MYCBP2: variants seen among roughly 807,000 people sequenced by gnomAD.
MYCBP2 encodes the protein E3 ubiquitin-protein ligase MYCBP2.
A neutral mutation model predicts 525.3 loss-of-function variants in MYCBP2; 120 were observed. That is an observed-to-expected ratio of 0.23 (90% confidence interval 0.20 to 0.27). MYCBP2 has a LOEUF of 0.27. MYCBP2 is among the 10% of genes least tolerant of loss of function. The probability of loss-of-function intolerance (pLI) is 1.00; values close to 1 mark genes in which losing one functional copy is unlikely to be tolerated. For synonymous variants in MYCBP2, 1,894 were observed against 1,955.8 expected (o/e 0.97, Z 0.83); for missense variants, 4,149 against 5,657.1 (o/e 0.73, Z 8.55).
intron 15 of MYCBP2, among the ~76,000 whole-genome samples, chr13:77,244,747 A>T (rs578189937): frequency 5.9e-5 from 9 of 152,316 alleles, no homozygotes; most frequent in African/African-American, 1.9e-4. Flanking sequence ...AATGGGAGAA[A>T]ATTTTTGCAA....
intron 1 of MYCBP2, among the ~76,000 whole-genome samples, chr13:77,317,113 CT>C (rs2081041960): frequency 1.3e-5 from 2 of 152,128 alleles, no homozygotes; most frequent in Admixed American, 1.3e-4. Context: ...ACATGCCCGG[CT>C]AATTGTTTTG....
At chr13:77,295,317 A>G (rs1204460629) in intron 2 of MYCBP2, among the ~76,000 whole-genome samples, 1 of 152,048 alleles carries the variant, frequency 6.6e-6, no homozygotes, top group Non-Finnish European at 1.5e-5. Flanking sequence ...TATTTTTCGT[A>G]GAGACAGGGT....
chr13:77,231,787 T>G (rs901171430), intron 18 of MYCBP2, among the ~76,000 whole-genome samples: 4 of 152,158 alleles, frequency 2.6e-5, no homozygotes, highest in African/African-American at 7.2e-5. Context: ...AGAAAGAAAC[T>G]GAAAAAATCT....
chr13:77,151,677 C>T lies in MYCBP2; in HGVS notation c.6916-728G>A, dbSNP rs1196689628. Among the ~76,000 whole-genome samples, 9 of 152,154 alleles carry T rather than the reference C, an allele frequency of 5.9e-5. No individual in the cohort carries two copies. The East Asian group carries it at 1.7e-3, about 29-fold the overall frequency. The stretch of plus-strand genomic sequence containing the variant: ...AATACAAATTGTCTTATAAAAATAC[C>T]TTTTAGATATATTTTCCAGGAATTA... On this transcript the variant is annotated intron_variant, in intron 46 of 82. Coordinates refer to ENST00000544440, the MANE Select transcript of MYCBP2 (RefSeq NM_015057.5).
intron 2 of MYCBP2, among the ~76,000 whole-genome samples, chr13:77,294,622 A>C (rs1339529020): frequency 6.6e-6 from 1 of 152,160 alleles, no homozygotes; most frequent in Non-Finnish European, 1.5e-5. Context: ...AAAAAAACTT[A>C]AAAGATATTC....
intron 43 of MYCBP2, among the ~76,000 whole-genome samples, chr13:77,163,144 G>C (rs1056022224): frequency 6.6e-5 from 10 of 152,038 alleles, no homozygotes; most frequent in African/African-American, 2.4e-4. Flanking sequence ...GTTGTTTCTA[G>C]GTTTTACAAT....
chr13:77,090,223 T>G lies in MYCBP2; in HGVS notation c.10408A>C (p.Arg3470=). The change falls in exon 60 of 83, where the codon AGA becomes CGA. Residue 3470 remains arginine (R), a synonymous_variant. Transcript: ENST00000544440. ...SPITDTDLAK[R]TVFQRSYSVV... ...GAGTATGATCTTTGGAAGACAGTTC[T>G]CTTTGCAAGATCAGTATCAGTTATG... The G allele has an allele frequency of 1.2e-6, 2 of 1,612,572 alleles. No homozygotes were observed. Among genetic ancestry groups the G allele is most frequent in the Non-Finnish European group, 1.7e-6 (2 of 1,179,126 alleles).
At chr13:77,135,255 TG>T (rs1304811841) in intron 52 of MYCBP2, among the ~76,000 whole-genome samples, 3 of 152,222 alleles carry the variant, frequency 2.0e-5, no homozygotes, top group African/African-American at 7.2e-5. Flanking sequence ...ATTTTTTTAT[TG>T]AGTCATGTTT....
chr13:77,286,487 C>T (rs2076774189), intron 3 of MYCBP2, among the ~76,000 whole-genome samples: 1 of 151,558 alleles, frequency 6.6e-6, no homozygotes, highest in Non-Finnish European at 1.5e-5. Flanking sequence ...GGTGCAGTGG[C>T]TCACGCCTGT....
At position 77,206,664 on chromosome 13, in the gene MYCBP2, A is replaced by G; in HGVS notation, c.3578T>C (p.Leu1193Ser). The G allele has an allele frequency of 6.3e-7, 1 of 1,596,328 alleles. No homozygotes were observed. The highest frequency in any genetic ancestry group is 8.5e-7 in the Non-Finnish European group (1 of 1,171,258). The change falls in exon 24 of 83, where the codon TTG (leucine) becomes TCG (serine). Residue 1193 changes from leucine (L) to serine (S), a missense_variant. Leu to Ser is a moderately radical substitution (Grantham distance 145). This residue lies in a region of MYCBP2 where 620 missense variants were observed against 795.5 expected (regional missense o/e 0.78). Coordinates refer to ENST00000544440, the MANE Select transcript of MYCBP2 (RefSeq NM_015057.5). ...AATCGCAACCCTACCTAAAATGTGC[A>G]AAGCTGCATGAGATCGGGTAGTGAG... The part of the protein sequence containing the change: ...RALTTRSHAA[L>S]HILGCLDTLA...
At chr13:77,165,562 G>A (rs2058435386) in intron 41 of MYCBP2, among the ~76,000 whole-genome samples, 171 bp from the exon 42 acceptor site, 1 of 152,090 alleles carries the variant, frequency 6.6e-6, no homozygotes, top group African/African-American at 2.4e-5. Context: ...TCTACTTGAG[G>A]AAACTGTACC....
chr13:77,252,405 T>A (rs549617685), intron 14 of MYCBP2, among the ~76,000 whole-genome samples: 1 of 152,278 alleles, frequency 6.6e-6, no homozygotes, highest in South Asian at 2.1e-4. Context: ...AAGCTTATAA[T>A]GTAGTAAGAA....
chr13:77,249,511 G>A (rs983613341), intron 15 of MYCBP2, among the ~76,000 whole-genome samples: 1 of 152,078 alleles, frequency 6.6e-6, no homozygotes, highest in Admixed American at 6.6e-5. Context: ...TTTTGTTCAC[G>A]ATATATACTG....
intron 55 of MYCBP2, chr13:77,099,361 G>A: frequency 4.4e-6 from 1 of 226,256 alleles, no homozygotes; most frequent in Non-Finnish European, 8.8e-6. Context: ...TAATCTTTTG[G>A]GGAATAAGAA....
At chr13:77,221,602 C>T (rs890660828) in intron 20 of MYCBP2, among the ~76,000 whole-genome samples, 3 of 152,112 alleles carry the variant, frequency 2.0e-5, no homozygotes, top group South Asian at 2.1e-4. Context: ...GCCCTCTTTG[C>T]TGCATACATG....
chr13:77,081,111 G>T lies in MYCBP2; in HGVS notation c.11418+316C>A. The T allele has an allele frequency of 3.7e-6, 1 of 271,250 alleles. No individual in the cohort carries two copies. Among genetic ancestry groups the T allele is most frequent in the South Asian group, 7.3e-5 (1 of 13,658 alleles). The allele number at this position is 271,250 out of a possible 1,614,324, so 16.8% of individuals were successfully genotyped here. A position where few individuals can be genotyped will look rare whatever the true frequency, so the allele number is the denominator to read the frequency against. ...GGAAGAATTGATCAGCAGAGTTTAA[G>T]GGGAGGACTTCCAGGTCACGGGAAA... is the stretch of plus-strand genomic sequence containing the variant. On this transcript the variant is annotated intron_variant, in intron 65 of 82. Transcript: ENST00000544440. The surrounding 1 kb of genome is among the most constrained non-coding windows in gnomAD (Gnocchi z 4.6).
rs556687689 is a variant in MYCBP2, at chr13:77,275,115, T to C, written c.749-1447A>G. Among the ~76,000 whole-genome samples the C allele has an allele frequency of 7.4e-4, 113 of 152,202 alleles. 1 individual carries two copies. Among genetic ancestry groups the C allele is most frequent in the Non-Finnish European group, 5.6e-4 (38 of 68,036 alleles). Reference sequence around the variant, plus strand: ...CTGGCAACTATTCTACACTAGGGTATTGGCAAACATGACAAAGAATGTCTC... The same window carrying C: ...CTGGCAACTATTCTACACTAGGGTACTGGCAAACATGACAAAGAATGTCTC... On this transcript the variant is annotated intron_variant, in intron 4 of 82. Coordinates refer to ENST00000544440, the MANE Select transcript of MYCBP2 (RefSeq NM_015057.5).
chr13:77,135,499 G>A (rs780370112), intron 52 of MYCBP2, among the ~76,000 whole-genome samples: 9 of 152,152 alleles, frequency 5.9e-5, no homozygotes, highest in East Asian at 1.9e-4. Flanking sequence ...TACTGACTGC[G>A]TAAGGGGTCT....
intron 46 of MYCBP2, among the ~76,000 whole-genome samples, chr13:77,152,882 G>A (rs1200696117): frequency 1.3e-5 from 2 of 151,826 alleles, no homozygotes; most frequent in Non-Finnish European, 2.9e-5. Context: ...TGGCTAACAC[G>A]GTGAAACCCC....
Sources: allele counts gnomAD v4.1 joint callset (sites outside exome capture counted in the v4.1 genomes callset), GRCh38; gene constraint gnomAD v4.1.1; regional missense constraint gnomAD v4.1.1; non-coding constraint Gnocchi (gnomAD v3.1); transcripts MANE v1.5; gene names NCBI Gene and HGNC (gene_info 2026-07-23, HGNC 2026-07-21).